NDUFAF6: variants seen among roughly 807,000 people sequenced by gnomAD.
The protein encoded by NDUFAF6 is NADH dehydrogenase (ubiquinone) complex I, assembly factor 6.
A neutral mutation model predicts 40.8 loss-of-function variants in NDUFAF6; 45 were observed. The observed-to-expected ratio is 1.10, with a 90% CI of 0.87 to 1.42. NDUFAF6 has a LOEUF of 1.42. Ranked by LOEUF, NDUFAF6 falls within the 40% of genes most tolerant of loss-of-function variation. The probability of loss-of-function intolerance (pLI) is 0.00; values close to 1 mark genes in which losing one functional copy is unlikely to be tolerated. For synonymous variants in NDUFAF6, 185 were observed against 155.9 expected, an observed-to-expected ratio of 1.19 and a Z score of -1.39; for missense variants, 435 against 418.5, an observed-to-expected ratio of 1.04 and a Z score of -0.34.
upstream of NDUFAF6, among the ~76,000 whole-genome samples, chr8:95,020,245 T>C (rs1222747864): frequency 6.6e-6 from 1 of 152,176 alleles, no homozygotes; most frequent in African/African-American, 2.4e-5. Context: ...CCAAAAAGCA[T>C]GATGCATTCA....
chr8:94,998,387 C>CAG (rs1378143709), intron 2 of NDUFAF6, among the ~76,000 whole-genome samples: 1 of 146,602 alleles, frequency 6.8e-6, no homozygotes, highest in East Asian at 1.9e-4. Context: ...AATACACACA[C>CAG]ACACACACAC....
chr8:94,998,938 G>A (rs1220927617), intron 2 of NDUFAF6, among the ~76,000 whole-genome samples: 4 of 152,160 alleles, frequency 2.6e-5, no homozygotes, highest in Admixed American at 1.3e-4. Context: ...GGGTGTGTGT[G>A]TGTGTGTATG....
At chr8:94,907,807 A>G (rs560194345) in intron 1 of NDUFAF6, among the ~76,000 whole-genome samples, 3 of 92,530 alleles carry the variant, frequency 3.2e-5, no homozygotes, top group African/African-American at 6.4e-5. Flanking sequence ...GGCTGATTCA[A>G]CCTTTCTTTT....
At chr8:95,031,287 G>A (rs1563805235) in intron 1 of NDUFAF6, among the ~76,000 whole-genome samples, 3 of 152,182 alleles carry the variant, frequency 2.0e-5, no homozygotes, top group Non-Finnish European at 4.4e-5. Flanking sequence ...GCAAGGAAAC[G>A]TATGTGTGCA....
intron 1 of NDUFAF6, chr8:94,927,746 A>C (rs1337731046): frequency 6.6e-6 from 1 of 152,548 alleles, no homozygotes; most frequent in Non-Finnish European, 1.5e-5. Flanking sequence ...TAAGAAACTC[A>C]TTCACGAAGC....
chr8:95,023,124 AATATTTC>A (rs1214635060), upstream of NDUFAF6: 4 of 152,186 alleles, frequency 2.6e-5, no homozygotes, highest in African/African-American at 9.6e-5. Context: ...TTTTGCCAAG[AATATTTC>A]ATATGTAGTA....
At chr8:95,105,066 C>G (rs2583367), downstream of NDUFAF6, among the ~76,000 whole-genome samples, 80 of 72,880 alleles carry the variant, frequency 1.1e-3, no homozygotes, top group South Asian at 2.3e-3. Context: ...CACACACACA[C>G]AGAGAGAGAG....
At chr8:94,904,134 GT>G (rs202093172) in intron 1 of NDUFAF6, among the ~76,000 whole-genome samples, 3,693 of 151,390 alleles carry the variant, frequency 0.024, 125 homozygotes, top group African/African-American at 0.084. Context: ...TTTTGTTTTT[GT>G]GGTTTTTTTG....
intron 2 of NDUFAF6, among the ~76,000 whole-genome samples, chr8:95,101,616 C>T (rs904285579): frequency 2.6e-5 from 4 of 152,170 alleles, no homozygotes; most frequent in Non-Finnish European, 4.4e-5. Flanking sequence ...TTCAAGTGCA[C>T]CCTAACGTTG....
chr8:94,924,754 G>GT (rs869180556), intron 1 of NDUFAF6, among the ~76,000 whole-genome samples: 3 of 150,708 alleles, frequency 2.0e-5, no homozygotes, highest in Admixed American at 6.6e-5. Flanking sequence ...GTTTTGTTTT[G>GT]TTTTTTGAGA....
At chr8:95,095,660 T>C (rs1309765610), upstream of NDUFAF6, among the ~76,000 whole-genome samples, 5 of 116,730 alleles carry the variant, frequency 4.3e-5, no homozygotes, top group Non-Finnish European at 9.1e-5. Flanking sequence ...AAAAAGATCA[T>C]TTCGCTTTTT....
chr8:95,058,896 C>T (rs1239393229), downstream of NDUFAF6, among the ~76,000 whole-genome samples: 1 of 151,984 alleles, frequency 6.6e-6, no homozygotes, highest in Non-Finnish European at 1.5e-5. Flanking sequence ...ACCAAAAATA[C>T]ATAAACTAGC....
intron 1 of NDUFAF6, among the ~76,000 whole-genome samples, chr8:94,977,103 C>T (rs1394108353): frequency 1.4e-5 from 2 of 143,512 alleles, no homozygotes; most frequent in African/African-American, 2.6e-5. Context: ...TGCACCACTG[C>T]ACTCTAGCCT....
chr8:95,005,268 T>G (rs1826911696), intron 2 of NDUFAF6, among the ~76,000 whole-genome samples: 2 of 152,080 alleles, frequency 1.3e-5, no homozygotes, highest in African/African-American at 4.8e-5. Flanking sequence ...TATCTTGAGA[T>G]GTGACAAAGA....
intron 1 of NDUFAF6, among the ~76,000 whole-genome samples, chr8:94,902,434 G>C (rs200581092): frequency 7.6e-6 from 1 of 131,442 alleles, no homozygotes; most frequent in Non-Finnish European, 1.7e-5. Context: ...AAAAAAAAAA[G>C]ATATAAATCT....
chr8:94,947,907 T>C (rs996515864), intron 2 of NDUFAF6, among the ~76,000 whole-genome samples: 9 of 152,272 alleles, frequency 5.9e-5, no homozygotes, highest in Non-Finnish European at 1.0e-4. Flanking sequence ...GATTGCGACT[T>C]AAAAGCTTCC....
intron 9 of NDUFAF6, among the ~76,000 whole-genome samples, chr8:95,069,827 AAT>A (rs1176642776): frequency 4.1e-5 from 6 of 145,738 alleles, no homozygotes; most frequent in African/African-American, 1.5e-4. Context: ...ATATATATAT[AAT>A]ATATATGTAT....
At chr8:95,031,844 G>A (rs896038224) in intron 1 of NDUFAF6, 151 bp from the exon 2 acceptor site, 15 of 687,174 alleles carry the variant, frequency 2.2e-5, no homozygotes, top group South Asian at 7.6e-5. Context: ...CAGGTGATCC[G>A]CCCGCCTTGG....
At chr8:95,064,176 C>A (rs1373270599) in intron 9 of NDUFAF6, among the ~76,000 whole-genome samples, 3 of 151,162 alleles carry the variant, frequency 2.0e-5, no homozygotes, top group South Asian at 4.2e-4. Context: ...ACGCGTGAGT[C>A]CCTGCACCCG....
Sources: gnomAD v4.1 joint callset for allele counts (sites outside exome capture counted in the v4.1 genomes callset) on GRCh38, gnomAD v4.1.1 for gene constraint, MANE v1.5 for transcripts, NCBI Gene and HGNC (gene_info 2026-07-23, HGNC 2026-07-21) for gene names.